The following STX6 variants were observed in gnomAD, a reference collection of about 807,000 sequenced individuals.
The protein encoded by STX6 is syntaxin 6.
Under a neutral mutation model 38.0 loss-of-function variants are expected in STX6, and 23 were observed. That is an observed-to-expected ratio of 0.60 (90% CI 0.43 to 0.86). STX6 has a LOEUF of 0.86. STX6 is among the 40% of genes least tolerant of loss of function. The pLI, the probability that STX6 is intolerant of heterozygous loss-of-function variation, is 0.00. For missense variants in STX6, 274 were observed against 312.9 expected (o/e 0.88, Z 0.94); for synonymous variants, 123 against 107.5 (o/e 1.14, Z -0.89).
At chr1:181,013,116 C>T (rs1208856177) in intron 1 of STX6, among the ~76,000 whole-genome samples, 4 of 151,840 alleles carry the variant, frequency 2.6e-5, no homozygotes, top group Non-Finnish European at 5.9e-5. Flanking sequence ...ACCAAACTAG[C>T]CTCTGGGGCC....
chr1:181,022,819 G>A lies in STX6; in HGVS notation c.-146C>T, dbSNP rs924670966. The A allele has an allele frequency of 1.3e-6, 1 of 750,990 alleles. No individual in the cohort carries two copies. Among genetic ancestry groups the A allele is most frequent in the South Asian group, 1.7e-5 (1 of 59,148 alleles). 46.5% of individuals were successfully genotyped at this position (750,990 alleles called of 1,614,324 possible). A position where few individuals can be genotyped will look rare whatever the true frequency, so the allele number is the denominator to read the frequency against. ...AGCAGCGGGCACGCGCACAGGCCAG[G>A]TGCACAGGACGGCCGCTGGTCCAGC... is the stretch of plus-strand genomic sequence containing the variant. On this transcript the variant is annotated 5_prime_UTR_variant, in exon 1 of 8. Coordinates refer to ENST00000258301, the MANE Select transcript of STX6 (RefSeq NM_005819.6).
intron 1 of STX6, among the ~76,000 whole-genome samples, chr1:181,014,258 G>GT (rs1416225558): frequency 1.3e-5 from 2 of 152,098 alleles, no homozygotes; most frequent in African/African-American, 4.8e-5. Context: ...GCCGGGTGTG[G>GT]TGGCATGCAC....
chr1:180,994,959 T>TA (rs1023021226), intron 3 of STX6, among the ~76,000 whole-genome samples: 5 of 138,474 alleles, frequency 3.6e-5, no homozygotes, highest in South Asian at 2.2e-4. Flanking sequence ...TCAAGAAATT[T>TA]AAAAAAAAAT....
chr1:180,991,768 T>C (rs1336629373), intron 4 of STX6, among the ~76,000 whole-genome samples: 1 of 152,148 alleles, frequency 6.6e-6, no homozygotes, highest in East Asian at 1.9e-4. Context: ...TGGCACAACG[T>C]GGCAAGGCCC....
At position 181,005,327 on chromosome 1, in the gene STX6, C is replaced by G. The variant is rs1418493840; in HGVS notation, c.172G>C (p.Glu58Gln). 6.2e-7 allele frequency: 1 copy of G among 1,614,108 alleles called. No homozygotes were observed. Among genetic ancestry groups the G allele is most frequent in the Non-Finnish European group, 8.5e-7 (1 of 1,179,966 alleles). The change falls in exon 2 of 8, where the codon GAG becomes CAG. Residue 58 changes from glutamate (E) to glutamine (Q), a missense_variant. Coordinates refer to ENST00000258301, the MANE Select transcript of STX6 (RefSeq NM_005819.6). ...NELRNNLRSI[E>Q]WDLEDLDETI... ...TCATCAAGGTCCTCTAGATCCCACT[C>G]TATGCTCCGGAGGTTATTTCTCAGC...
chr1:180,990,061 C>T lies in STX6; in HGVS notation c.412G>A (p.Asp138Asn), dbSNP rs1391823440. ...TCTCGGTCCAGACGCCCATATTTAT[C>T]TGTTGTTCCAGTGCTCCAGTTCTGG... The part of the protein sequence containing the change: ...GSQNWSTGTT[D>N]KYGRLDRELQ... Residue 138 changes from aspartate to asparagine, a missense_variant, in exon 5 of 8, where the codon GAT (aspartate) becomes AAT (asparagine). Transcript: ENST00000258301. 1.2e-6 allele frequency: 2 copies of T among 1,614,158 alleles called. No homozygotes were observed. Among genetic ancestry groups the T allele is most frequent in the Non-Finnish European group, 1.7e-6 (2 of 1,180,032 alleles).
intron 3 of STX6, among the ~76,000 whole-genome samples, chr1:180,998,137 T>C (rs759408270): frequency 2.0e-5 from 3 of 152,266 alleles, no homozygotes; most frequent in Non-Finnish European, 2.9e-5. Flanking sequence ...TTCCTTTTCC[T>C]ACTTTTACTT....
intron 1 of STX6, among the ~76,000 whole-genome samples, chr1:181,018,536 T>C (rs1056952603): frequency 6.6e-6 from 1 of 151,512 alleles, no homozygotes; most frequent in Admixed American, 6.6e-5. Flanking sequence ...CGTACAAGCT[T>C]ATAAAGTTGA....
intron 3 of STX6, among the ~76,000 whole-genome samples, chr1:180,995,008 G>C (rs909148222): frequency 6.6e-6 from 1 of 151,166 alleles, no homozygotes; most frequent in Non-Finnish European, 1.5e-5. Flanking sequence ...CTGTCACCAG[G>C]CTGGAATGCA....
rs116392359 is a variant in STX6 at position 181,006,655 on chromosome 1, C to T, written c.36-1192G>A. On this transcript the variant is annotated intron_variant, in intron 1 of 7. Transcript: ENST00000258301. ...TCTTCTGGAACAAAGACCACAAAAA[C>T]GTGTTCTAGCTGATTAGGGTGTTTG... Among the ~76,000 whole-genome samples, 1,451 of 152,030 alleles carry T rather than the reference C, an allele frequency of 9.5e-3. 24 individuals are homozygous for T. The highest frequency in any genetic ancestry group is 0.034 in the African/African-American group (1,394 of 41,456).
At position 181,018,487 on chromosome 1, in the gene STX6, T is replaced by C. The variant is rs1387301340; in HGVS notation, c.35+4152A>G. ...TAAAATGACCATATTATATATATAA[T>C]ATATATTTGTAATAAATATATAAAT... On this transcript the variant is annotated intron_variant, in intron 1 of 7. Transcript: ENST00000258301. Among the ~76,000 whole-genome samples, 4 of 147,830 alleles carry C rather than the reference T, an allele frequency of 2.7e-5. No homozygotes were observed. In the Admixed American group the frequency reaches 2.7e-4, roughly 10 times the overall value.
intron 1 of STX6, among the ~76,000 whole-genome samples, chr1:181,008,131 G>T (rs1403118149): frequency 6.6e-6 from 1 of 152,196 alleles, no homozygotes; most frequent in Admixed American, 6.5e-5. Flanking sequence ...AAGGTTAGCT[G>T]CAATGTGGAT....
intron 3 of STX6, 152 bp from the exon 4 acceptor site, chr1:180,993,577 GAAAAT>G: frequency 3.7e-6 from 2 of 538,386 alleles, no homozygotes; most frequent in Non-Finnish European, 6.5e-6. Context: ...CAAAAATAAA[GAAAAT>G]AAAATAAAAA....
chr1:181,010,398 T>G (rs1349843932), intron 1 of STX6, among the ~76,000 whole-genome samples: 1 of 151,914 alleles, frequency 6.6e-6, no homozygotes, highest in Non-Finnish European at 1.5e-5. Flanking sequence ...ACCTCCCGGG[T>G]TCAATCGATT....
At chr1:181,002,395 C>T (rs1403589562) in intron 3 of STX6, among the ~76,000 whole-genome samples, 1 of 151,970 alleles carries the variant, frequency 6.6e-6, no homozygotes, top group Non-Finnish European at 1.5e-5. Context: ...CTCAAGTGAT[C>T]CACCCACCTC....
intron 3 of STX6, 86 bp from the exon 4 acceptor site, chr1:180,993,511 A>T: frequency 1.5e-6 from 1 of 669,744 alleles, no homozygotes; most frequent in Non-Finnish European, 2.6e-6. Context: ...CAAAACACAC[A>T]ATTTATTATT....
chr1:180,978,579 G>A (rs528880383), intron 7 of STX6, among the ~76,000 whole-genome samples: 7 of 152,312 alleles, frequency 4.6e-5, no homozygotes, highest in African/African-American at 1.7e-4. Flanking sequence ...TCCAGCAGGC[G>A]GAGGGGAAAA....
chr1:180,974,271 C>T lies in STX6; in HGVS notation c.*2299G>A, dbSNP rs1655192568. The T allele has an allele frequency of 6.6e-6, 1 of 152,186 alleles. No homozygotes were observed. The highest frequency in any genetic ancestry group is 6.5e-5 in the Admixed American group (1 of 15,278). 9.4% of individuals were successfully genotyped at this position (152,186 alleles called of 1,614,324 possible). A position where few individuals can be genotyped will look rare whatever the true frequency, so the allele number is the denominator to read the frequency against. The stretch of plus-strand genomic sequence containing the variant: ...CCAGGGGCAGAAGGGCATGGTGGCC[C>T]TACGGGTAGAATGCACTGTATTGTT... On this transcript the variant is annotated 3_prime_UTR_variant, in exon 8 of 8. Transcript: ENST00000258301.
chr1:180,983,291 T>C (rs1180606298), intron 7 of STX6, among the ~76,000 whole-genome samples: 1 of 152,102 alleles, frequency 6.6e-6, no homozygotes, highest in African/African-American at 2.4e-5. Flanking sequence ...TACCTGACAG[T>C]AGGAAACCAA....
Sources: allele counts gnomAD v4.1 joint callset (sites outside exome capture counted in the v4.1 genomes callset), GRCh38; gene constraint gnomAD v4.1.1; transcripts MANE v1.5; gene names NCBI Gene and HGNC (gene_info 2026-07-23, HGNC 2026-07-21).